Variants in TAC4 observed in about 807,000 individuals in gnomAD.
TAC4 encodes the protein tachykinin-4.
Under a neutral mutation model 17.7 loss-of-function variants are expected in TAC4, and 17 were observed. That is an observed-to-expected ratio of 0.96 (90% CI 0.66 to 1.44). The LOEUF (loss-of-function observed/expected upper bound fraction) is 1.44. Among genes scored for constraint, TAC4 ranks in the 40% most tolerant of loss-of-function variants. TAC4 has a pLI of 0.00. For missense variants in TAC4, 118 were observed against 125.6 expected, an observed-to-expected ratio of 0.94 and a Z score of 0.29; for synonymous variants, 62 against 52.4, an observed-to-expected ratio of 1.18 and a Z score of -0.79.
intron 1 of TAC4, chr17:49,847,193 C>T (rs2074548602): frequency 7.8e-7 from 1 of 1,290,074 alleles, no homozygotes; most frequent in African/African-American, 1.5e-5. Flanking sequence ...CCAGCCTTGT[C>T]CTGTCTGCCC....
intron 2 of TAC4, among the ~76,000 whole-genome samples, chr17:49,842,950 C>G (rs1419278603): frequency 6.6e-6 from 1 of 152,222 alleles, no homozygotes; most frequent in African/African-American, 2.4e-5. Context: ...GCCTCATTCT[C>G]TTTAATGGCC....
intron 1 of TAC4, chr17:49,847,700 C>CAG (rs1567876924): frequency 2.0e-5 from 11 of 543,300 alleles, no homozygotes; most frequent in African/African-American, 1.6e-4. Flanking sequence ...CAGACACACA[C>CAG]ACACACACAC....
chr17:49,847,871 G>C (rs758692908), intron 1 of TAC4, 42 bp downstream of exon 1: 2 of 1,612,986 alleles, frequency 1.2e-6, no homozygotes, highest in Non-Finnish European at 8.5e-7. Flanking sequence ...CCCTGCCCTC[G>C]TCAGAGCCTC....
chr17:49,846,440 C>G (rs1418535920), intron 1 of TAC4, among the ~76,000 whole-genome samples: 1 of 152,122 alleles, frequency 6.6e-6, no homozygotes, highest in African/African-American at 2.4e-5. Context: ...TCATGCCTGG[C>G]AAATTTTGTT....
At chr17:49,847,545 C>T (rs1189920768) in intron 1 of TAC4, 28 of 343,300 alleles carry the variant, frequency 8.2e-5, no homozygotes, top group South Asian at 6.0e-4. Context: ...CCTCAGTTTC[C>T]TTATTTGTGA....
At position 49,839,995 on chromosome 17, in the gene TAC4, C is replaced by G. The variant is rs979752556; in HGVS notation, c.233-86G>C. ...ACCAGGGAAGGACAAAGGACAGGGC[C>G]AGGGCGAGGGCCGGGGCCAGGGCTG... On this transcript the variant is annotated intron_variant, in intron 3 of 4. Transcript: ENST00000436235. 5.1e-6 allele frequency: 7 copies of G among 1,366,030 alleles called. No individual in the cohort carries two copies. In the African/African-American group the frequency reaches 7.2e-5, roughly 14 times the overall value. 84.6% of individuals were successfully genotyped at this position (1,366,030 alleles called of 1,614,324 possible).
Position 49,843,697 on chromosome 17 carries a change from A to G in TAC4, c.199+367T>C, listed in dbSNP as rs558218787. Reference sequence around the variant, plus strand: ...CAACCTCTGCCTCCCAGGTTCAAGCAATTCTACTGCCTCAGCCTCCTGAGT... The same window carrying G: ...CAACCTCTGCCTCCCAGGTTCAAGCGATTCTACTGCCTCAGCCTCCTGAGT... On this transcript the variant is annotated intron_variant, in intron 2 of 4. Coordinates refer to ENST00000436235, the MANE Select transcript of TAC4 (RefSeq NM_001077506.2). 2.0e-5 allele frequency among the ~76,000 whole-genome samples: 3 copies of G among 152,278 alleles called. No homozygotes were observed. In the South Asian group the frequency reaches 6.2e-4, roughly 32 times the overall value.
chr17:49,839,980 G>C (rs2074484593), intron 3 of TAC4, 71 bp from the exon 4 acceptor site: 1 of 1,504,888 alleles, frequency 6.6e-7, no homozygotes, highest in Non-Finnish European at 9.2e-7. Context: ...ACCAGGGAAG[G>C]ACAAAGGACA....
intron 4 of TAC4, among the ~76,000 whole-genome samples, 178 bp from the exon 5 acceptor site, chr17:49,838,851 A>G (rs576620231): frequency 9.2e-5 from 14 of 152,170 alleles, no homozygotes; most frequent in Non-Finnish European, 1.8e-4. Flanking sequence ...CCATTATTCA[A>G]TTGCTAATGT....
chr17:49,839,444 C>A (rs1161946399), intron 4 of TAC4, among the ~76,000 whole-genome samples: 1 of 152,210 alleles, frequency 6.6e-6, no homozygotes, highest in African/African-American at 2.4e-5. Flanking sequence ...TGGTTGAAGG[C>A]AGAAAATCTC....
chr17:49,838,442 C>T lies in TAC4; in HGVS notation c.*200G>A. 1.5e-6 allele frequency: 1 copy of T among 672,964 alleles called. No homozygotes were observed. Among genetic ancestry groups the T allele is most frequent in the Non-Finnish European group, 2.6e-6 (1 of 378,844 alleles). 41.7% of individuals were successfully genotyped at this position (672,964 alleles called of 1,614,324 possible). On this transcript the variant is annotated 3_prime_UTR_variant, in exon 5 of 5. Coordinates refer to ENST00000436235, the MANE Select transcript of TAC4 (RefSeq NM_001077506.2). ...GTCAGTGCAGCTTGCTACGGCGAAG[C>T]TGTGCATTTATGCAGGACTGCTGCT...
chr17:49,847,374 T>C, intron 1 of TAC4: 1 of 815,666 alleles, frequency 1.2e-6, no homozygotes. Flanking sequence ...CATTTCTACA[T>C]GTGAGACCAA....
rs1482787545 is a variant in TAC4, at chr17:49,838,566, T to C, written c.*76A>G. On this transcript the variant is annotated 3_prime_UTR_variant, in exon 5 of 5. Coordinates refer to ENST00000436235, the MANE Select transcript of TAC4 (RefSeq NM_001077506.2). ...GGAGACACAGAGAAGAGAGTTGGCC[T>C]GCCGGCTTGTCAGCTGTGACATCCA... 7 of 1,586,914 alleles carry C rather than the reference T, an allele frequency of 4.4e-6. No homozygotes were observed. The East Asian group carries it at 8.9e-5, about 20-fold the overall frequency.
At chr17:49,843,048 A>G (rs1322807163) in intron 2 of TAC4, among the ~76,000 whole-genome samples, 1 of 152,224 alleles carries the variant, frequency 6.6e-6, no homozygotes, top group Non-Finnish European at 1.5e-5. Flanking sequence ...TATTACAAGC[A>G]TGTTGGCAGT....
chr17:49,843,173 T>C (rs2074511416), intron 2 of TAC4, among the ~76,000 whole-genome samples: 1 of 152,188 alleles, frequency 6.6e-6, no homozygotes, highest in South Asian at 2.1e-4. Flanking sequence ...GTCCTCCAAA[T>C]AGACAGTGTA....
intron 1 of TAC4, chr17:49,846,785 G>A (rs964428099): frequency 3.3e-5 from 14 of 417,982 alleles, no homozygotes; most frequent in Admixed American, 7.7e-5. Context: ...AGTTTTTAAC[G>A]TTTCCCATGG....
At chr17:49,840,520 T>G (rs1340802853) in intron 3 of TAC4, among the ~76,000 whole-genome samples, 3 of 152,080 alleles carry the variant, frequency 2.0e-5, no homozygotes, top group Admixed American at 6.5e-5. Context: ...TCTTTTTTTT[T>G]GAATGGAGTC....
At chr17:49,844,695 C>T (rs1014863469) in intron 1 of TAC4, among the ~76,000 whole-genome samples, 1 of 152,130 alleles carries the variant, frequency 6.6e-6, no homozygotes, top group Non-Finnish European at 1.5e-5. Flanking sequence ...GAGGCAGAGG[C>T]TGCAGTGAGC....
Position 49,838,604 on chromosome 17 carries a change from C to A in TAC4, c.*38G>T. ...GCTGTGACATCCAGGTAGGAAGAAG[C>A]GGCACCGTGTCCTCTGGGAAGTCTG... is the stretch of plus-strand genomic sequence containing the variant. On this transcript the variant is annotated 3_prime_UTR_variant, in exon 5 of 5. Coordinates refer to ENST00000436235, the MANE Select transcript of TAC4 (RefSeq NM_001077506.2). The A allele has an allele frequency of 6.2e-7, 1 of 1,613,296 alleles. No homozygotes were observed. Among genetic ancestry groups the A allele is most frequent in the Non-Finnish European group, 8.5e-7 (1 of 1,179,504 alleles).
Sources: allele counts gnomAD v4.1 joint callset (sites outside exome capture counted in the v4.1 genomes callset), GRCh38; gene constraint gnomAD v4.1.1; transcripts MANE v1.5; gene names NCBI Gene and HGNC (gene_info 2026-07-23, HGNC 2026-07-21).